PCM1: variants seen among roughly 807,000 people sequenced by gnomAD.
PCM1 encodes the protein pericentriolar material 1.
Under a neutral mutation model 241.9 loss-of-function variants are expected in PCM1, and 157 were observed. The ratio of observed to expected loss-of-function variants is 0.65; its 90% CI spans 0.57 to 0.74. The LOEUF is 0.74. Among genes scored for constraint, PCM1 ranks in the 30% least tolerant of loss-of-function variants. PCM1 has a pLI of 0.00. For missense variants in PCM1, 3,478 were observed against 2,360.1 expected, an observed-to-expected ratio of 1.47 and a Z score of -9.81; for synonymous variants, 1,085 against 784.9, an observed-to-expected ratio of 1.38 and a Z score of -6.39.
rs2094383571 is a variant in PCM1, at chr8:18,028,899, C to T, written c.*1237C>T. On this transcript the variant is annotated 3_prime_UTR_variant, in exon 39 of 39. Transcript: ENST00000325083. ...AGGCACCATGGCTCACTCCTGTAAT[C>T]CCAGCACCTTGGGAGGCCGAGGCGG... 1.6e-5 allele frequency: 3 copies of T among 182,590 alleles called. No individual in the cohort carries two copies. The highest frequency in any genetic ancestry group is 2.0e-3 in the Middle Eastern group (1 of 500). The allele number at this position is 182,590 out of a possible 1,614,324, so 11.3% of individuals were successfully genotyped here. A position where few individuals can be genotyped will look rare whatever the true frequency, so the allele number is the denominator to read the frequency against.
At position 17,957,380 on chromosome 8, in the gene PCM1, C is replaced by A; in HGVS notation, c.1763C>A (p.Ser588Tyr). Residue 588 changes from serine to tyrosine, a missense_variant, in exon 12 of 39, where the codon TCT becomes TAT. By Grantham distance (144) the Ser-to-Tyr change is moderately radical. Coordinates refer to ENST00000325083, the MANE Select transcript of PCM1 (RefSeq NM_006197.4). ...VNSNCEINNR[S>Y]AANIRALNMP... The stretch of plus-strand genomic sequence containing the variant: ...TCTAATTGTGAAATTAACAACAGAT[C>A]TGCTGCCAACATAAGGGCTCTAAAC... The A allele has an allele frequency of 6.2e-7, 1 of 1,612,612 alleles. No individual in the cohort carries two copies. Among genetic ancestry groups the A allele is most frequent in the South Asian group, 1.1e-5 (1 of 91,066 alleles).
chr8:18,017,967 A>G (rs551499765), intron 36 of PCM1, among the ~76,000 whole-genome samples: 2 of 152,316 alleles, frequency 1.3e-5, no homozygotes, highest in South Asian at 2.1e-4. Context: ...AAACATGGGG[A>G]GGAAACTAAG....
At chr8:17,941,288 A>T (rs909427325) in intron 6 of PCM1, among the ~76,000 whole-genome samples, 1 of 152,192 alleles carries the variant, frequency 6.6e-6, no homozygotes, top group African/African-American at 2.4e-5. Flanking sequence ...GATTTATTGT[A>T]ATTTATATAA....
chr8:17,980,602 G>A lies in PCM1; in HGVS notation c.3955G>A (p.Ala1319Thr), dbSNP rs144377641. 1.8e-5 allele frequency: 29 copies of A among 1,593,082 alleles called. No individual in the cohort carries two copies. The South Asian group carries it at 3.1e-4, about 17-fold the overall frequency. The change falls in exon 24 of 39, where the codon GCC becomes ACC. Residue 1319 changes from alanine (A) to threonine (T), a missense_variant. Transcript: ENST00000325083. The part of the protein sequence containing the change: ...SRVKNIRYES[A>T]SMSSTCEPCK... ...TTTTTTTACTCAAGGGTATGAAAGTGCCAGTATGTCTAGCACATGTGAACC... is the reference window on the plus strand; with the variant it reads ...TTTTTTTACTCAAGGGTATGAAAGTACCAGTATGTCTAGCACATGTGAACC...
intron 2 of PCM1, chr8:17,926,261 G>A (rs2129445249): frequency 6.6e-6 from 1 of 152,198 alleles, no homozygotes; most frequent in South Asian, 2.1e-4. Context: ...TTTTTCAATA[G>A]GAGATTTGGC....
chr8:17,929,617 A>G (rs2058318920), intron 2 of PCM1, among the ~76,000 whole-genome samples: 1 of 152,086 alleles, frequency 6.6e-6, no homozygotes, highest in African/African-American at 2.4e-5. Context: ...GTTTCTAGCA[A>G]CCTTTATCCT....
At chr8:17,992,610 CTT>C (rs71545503) in intron 28 of PCM1, among the ~76,000 whole-genome samples, 21 of 128,408 alleles carry the variant, frequency 1.6e-4, no homozygotes, top group Admixed American at 4.0e-4. Flanking sequence ...ACTACTACTA[CTT>C]TTTTTTTTTT....
chr8:17,935,577 C>G lies in PCM1; in HGVS notation c.-22-12C>G. On this transcript the variant is annotated splice_polypyrimidine_tract_variant and intron_variant, in intron 2 of 38. Transcript: ENST00000325083. ...ATGTGTTATAAAGCTCAGTTCTTAA[C>G]TTGTTTCGCAGAGAGTTAATTGTTA... 1 of 923,548 alleles carries G rather than the reference C, an allele frequency of 1.1e-6. No individual in the cohort carries two copies. The highest frequency in any genetic ancestry group is 1.8e-6 in the Non-Finnish European group (1 of 557,776). 57.2% of individuals were successfully genotyped at this position (923,548 alleles called of 1,614,324 possible).
chr8:18,014,353 A>G (rs889280509), intron 35 of PCM1, among the ~76,000 whole-genome samples: 4 of 151,446 alleles, frequency 2.6e-5, no homozygotes, highest in Middle Eastern at 3.4e-3. Context: ...TGAAAGTCCT[A>G]ATTTTTTAGA....
At chr8:17,950,507 G>A (rs749855677) in intron 7 of PCM1, 108 bp from the exon 8 acceptor site, 8 of 631,436 alleles carry the variant, frequency 1.3e-5, no homozygotes, top group Middle Eastern at 3.9e-4. Context: ...TTCAAGTTAC[G>A]TATGTGAGCT....
intron 23 of PCM1, among the ~76,000 whole-genome samples, chr8:17,972,925 C>T (rs1220506136): frequency 1.3e-5 from 2 of 151,978 alleles, no homozygotes; most frequent in African/African-American, 4.8e-5. Flanking sequence ...TTTTGTACTT[C>T]TTAAAGCTTC....
chr8:17,991,157 T>C (rs1054433545), intron 27 of PCM1, among the ~76,000 whole-genome samples: 1 of 152,128 alleles, frequency 6.6e-6, no homozygotes, highest in African/African-American at 2.4e-5. Context: ...TGTTTTAGGT[T>C]GCGTTGTTTT....
At chr8:17,948,339 C>CTT (rs1466241663) in intron 7 of PCM1, among the ~76,000 whole-genome samples, 1 of 98,702 alleles carries the variant, frequency 1.0e-5, no homozygotes, top group East Asian at 3.4e-4. Flanking sequence ...GAGTTTTGCT[C>CTT]TGTTGCCCAG....
At chr8:17,998,643 C>A (rs925788123) in intron 29 of PCM1, among the ~76,000 whole-genome samples, 66 of 152,280 alleles carry the variant, frequency 4.3e-4, no homozygotes, top group Non-Finnish European at 7.9e-4. Flanking sequence ...CTGGGGCTTG[C>A]CCAAGACCCT....
intron 2 of PCM1, among the ~76,000 whole-genome samples, chr8:17,932,084 A>C (rs1047857793): frequency 2.6e-5 from 4 of 152,084 alleles, no homozygotes; most frequent in Admixed American, 2.6e-4. Context: ...TCCATGATAC[A>C]CCGACAGGTT....
chr8:17,938,079 T>C (rs2060949108), intron 4 of PCM1, among the ~76,000 whole-genome samples: 1 of 152,148 alleles, frequency 6.6e-6, no homozygotes, highest in African/African-American at 2.4e-5. Context: ...CGTATAAAAA[T>C]ACTATAAGCA....
At chr8:17,993,809 T>C (rs551060849) in intron 29 of PCM1, among the ~76,000 whole-genome samples, 190 bp downstream of exon 29, 71 of 152,348 alleles carry the variant, frequency 4.7e-4, no homozygotes, top group African/African-American at 1.6e-3. Flanking sequence ...GTGCATATTC[T>C]GCCTTTTTCA....
intron 6 of PCM1, among the ~76,000 whole-genome samples, chr8:17,941,175 A>G (rs972600684): frequency 2.0e-5 from 3 of 152,174 alleles, no homozygotes; most frequent in African/African-American, 4.8e-5. Context: ...TTCTATTTAC[A>G]GTGGTGCGAG....
chr8:17,951,556 G>C (rs2066016114), intron 8 of PCM1, among the ~76,000 whole-genome samples: 1 of 152,126 alleles, frequency 6.6e-6, no homozygotes, highest in Admixed American at 6.5e-5. Flanking sequence ...TACATAGAGT[G>C]AAATTCTTTA....
Sources: allele counts gnomAD v4.1 joint callset (sites outside exome capture counted in the v4.1 genomes callset), GRCh38; gene constraint gnomAD v4.1.1; transcripts MANE v1.5; gene names NCBI Gene and HGNC (gene_info 2026-07-23, HGNC 2026-07-21).